ADAMTS2: variants seen among roughly 807,000 people sequenced by gnomAD.
ADAMTS2 encodes the protein A disintegrin and metalloproteinase with thrombospondin motifs 2.
Under a neutral mutation model 123.0 loss-of-function variants are expected in ADAMTS2, and 50 were observed. The observed-to-expected ratio is 0.41, with a 90% CI of 0.32 to 0.51. The LOEUF is 0.51. Ranked by LOEUF, ADAMTS2 falls within the 20% of genes least tolerant of loss-of-function variation. The pLI, the probability that ADAMTS2 is intolerant of heterozygous loss-of-function variation, is 0.35. For synonymous variants in ADAMTS2, 678 were observed against 695.4 expected, an observed-to-expected ratio of 0.98 and a Z score of 0.39; for missense variants, 1,494 against 1,705.2, an observed-to-expected ratio of 0.88 and a Z score of 2.18.
intron 4 of ADAMTS2, among the ~76,000 whole-genome samples, chr5:179,196,720 A>C (rs771057393): frequency 1.3e-4 from 20 of 152,240 alleles, no homozygotes; most frequent in Non-Finnish European, 2.9e-4. Flanking sequence ...CAAGGCAGGC[A>C]CTAAGCAAGT....
At chr5:179,288,938 G>A (rs915300333) in intron 2 of ADAMTS2, among the ~76,000 whole-genome samples, 6 of 152,206 alleles carry the variant, frequency 3.9e-5, no homozygotes, top group African/African-American at 9.7e-5. Flanking sequence ...CATCCATACC[G>A]CAGCACAGCC....
At chr5:179,221,732 G>T (rs1253146201) in intron 3 of ADAMTS2, among the ~76,000 whole-genome samples, 1 of 152,082 alleles carries the variant, frequency 6.6e-6, no homozygotes, top group Non-Finnish European at 1.5e-5. Flanking sequence ...CCCCGCAGAG[G>T]TGATGCAATG....
chr5:179,334,526 G>A (rs1175644370), intron 2 of ADAMTS2, among the ~76,000 whole-genome samples: 2 of 152,262 alleles, frequency 1.3e-5, no homozygotes, highest in African/African-American at 2.4e-5. Context: ...AGCAAGCGCT[G>A]TATTAAGCAG....
intron 5 of ADAMTS2, among the ~76,000 whole-genome samples, chr5:179,169,694 C>T (rs1393288891): frequency 1.3e-5 from 2 of 152,178 alleles, no homozygotes; most frequent in African/African-American, 2.4e-5. Flanking sequence ...CCTTCCTGCA[C>T]CATGGCTGGG....
rs149424876 is a variant in ADAMTS2 at position 179,125,144 on chromosome 5, G to C, written c.2787C>G (p.Thr929=). 7.4e-6 allele frequency: 12 copies of C among 1,612,966 alleles called. No individual in the cohort carries two copies. The highest frequency in any genetic ancestry group is 1.0e-5 in the Non-Finnish European group (12 of 1,179,920). Residue 929 remains threonine (T), a synonymous_variant, in exon 19 of 22, where the codon ACC becomes ACG. Transcript: ENST00000251582. ...VTGEWEPCSQ[T]CGRTGMQVRS... is the part of the protein sequence containing the mutation. The stretch of plus-strand genomic sequence containing the variant: ...GCACCTGCATGCCTGTCCGCCCACA[G>C]GTCTGGCTACATGGCTCCCATTCGC...
In ADAMTS2 at chr5:179,345,304, G is replaced by A; in HGVS notation, c.25C>T (p.Arg9Cys). The change falls in exon 1 of 22, where the codon CGC becomes TGC. Residue 9 changes from arginine to cysteine, a missense_variant. Arg to Cys is a radical substitution (Grantham distance 180). Transcript: ENST00000251582. This position sits in a 1 kb window ranked among gnomAD's most constrained non-coding sequence, Gnocchi z 7.5. Reference sequence around the variant, plus strand: ...AGCAGCGCGGGGCAGAGCAGGCGGCGAGCGGCTCCCGCCGGCGGATCCATG... The same window carrying A: ...AGCAGCGCGGGGCAGAGCAGGCGGCAAGCGGCTCCCGCCGGCGGATCCATG... MDPPAGAA[R>C]RLLCPALLLL... is the part of the protein sequence containing the mutation. 2 of 1,136,660 alleles carry A rather than the reference G, an allele frequency of 1.8e-6. No individual in the cohort carries two copies. The highest frequency in any genetic ancestry group is 4.5e-5 in the East Asian group (1 of 22,348). 70.4% of individuals were successfully genotyped at this position (1,136,660 alleles called of 1,614,324 possible).
intron 4 of ADAMTS2, among the ~76,000 whole-genome samples, chr5:179,187,188 A>AG (rs1293033133): frequency 2.0e-5 from 3 of 152,130 alleles, no homozygotes; most frequent in African/African-American, 7.2e-5. Context: ...TTGAAAAAAA[A>AG]GACTCATCCT....
At chr5:179,318,623 T>C (rs1757069268) in intron 2 of ADAMTS2, among the ~76,000 whole-genome samples, 1 of 152,304 alleles carries the variant, frequency 6.6e-6, no homozygotes, top group East Asian at 1.9e-4. Flanking sequence ...AGGGCCACTG[T>C]CCAGTGGCTG....
chr5:179,135,547 T>C (rs964718103), intron 13 of ADAMTS2, among the ~76,000 whole-genome samples: 1 of 151,956 alleles, frequency 6.6e-6, no homozygotes, highest in Non-Finnish European at 1.5e-5. Context: ...CCCTGCAGGG[T>C]GCAAGGATGG....
Position 179,189,743 on chromosome 5 carries a change from A to G in ADAMTS2, c.892-8588T>C, listed in dbSNP as rs1764261070. On this transcript the variant is annotated intron_variant, in intron 4 of 21. Coordinates refer to ENST00000251582, the MANE Select transcript of ADAMTS2 (RefSeq NM_014244.5). The surrounding 1 kb of genome is among the most constrained non-coding windows in gnomAD (Gnocchi z 4.2). ...ATATTACAAAATATCTTCTTAAGGT[A>G]GGGGGGGACAATATTACAAAGTATC... 6.9e-6 allele frequency among the ~76,000 whole-genome samples: 1 copy of G among 145,006 alleles called. No individual in the cohort carries two copies. The highest frequency in any genetic ancestry group is 2.6e-5 in the African/African-American group (1 of 38,744).
intron 4 of ADAMTS2, among the ~76,000 whole-genome samples, chr5:179,192,191 C>G (rs1173990518): frequency 1.3e-5 from 2 of 152,220 alleles, no homozygotes; most frequent in Admixed American, 1.3e-4. Flanking sequence ...CAGGCCATCA[C>G]CTTGCACTGT....
At chr5:179,248,353 T>C (rs1035074262) in intron 3 of ADAMTS2, among the ~76,000 whole-genome samples, 1 of 151,918 alleles carries the variant, frequency 6.6e-6, no homozygotes, top group African/African-American at 2.4e-5. Flanking sequence ...ACAAAACAAA[T>C]AGCAGATAGC....
intron 5 of ADAMTS2, among the ~76,000 whole-genome samples, chr5:179,165,407 A>G (rs1033500413): frequency 5.3e-5 from 8 of 152,178 alleles, no homozygotes; most frequent in African/African-American, 1.9e-4. Flanking sequence ...CGCCCTGGTC[A>G]TCTACGTCCC....
intron 3 of ADAMTS2, among the ~76,000 whole-genome samples, chr5:179,257,083 C>T (rs1452434929): frequency 2.0e-5 from 3 of 152,198 alleles, no homozygotes; most frequent in Non-Finnish European, 4.4e-5. Context: ...GCCTGGTCCC[C>T]GGGGTCTCTG....
chr5:179,198,476 C>T (rs563607649), intron 4 of ADAMTS2, among the ~76,000 whole-genome samples: 1 of 152,198 alleles, frequency 6.6e-6, no homozygotes, highest in African/African-American at 2.4e-5. Context: ...GCCGCTGAGC[C>T]TCAGGAGACC....
Position 179,132,876 on chromosome 5 carries a change from C to T in ADAMTS2, c.2110G>A (p.Gly704Ser), listed in dbSNP as rs149708395. ...CACTTGTCTTCCTGCTTGCTGGAGC[C>T]GATCACACCGTCACAGCCCACCTTC... The part of the protein sequence containing the change: ...CRKVGCDGVI[G>S]SSKQEDKCGV... Residue 704 changes from glycine to serine, a missense_variant, in exon 14 of 22, where the codon GGC becomes AGC. This residue lies in a region of ADAMTS2 where 953 missense variants were observed against 1,124.7 expected (regional missense o/e 0.85). Transcript: ENST00000251582. This position sits in a 1 kb window ranked among gnomAD's most constrained non-coding sequence, Gnocchi z 6.1. 2.1e-4 allele frequency: 344 copies of T among 1,613,928 alleles called. 1 individual carries two copies. The Middle Eastern group carries it at 4.5e-3, about 21-fold the overall frequency.
chr5:179,325,723 C>T (rs997903217), intron 2 of ADAMTS2, among the ~76,000 whole-genome samples: 1 of 152,264 alleles, frequency 6.6e-6, no homozygotes, highest in South Asian at 2.1e-4. Flanking sequence ...ACGGGGAGGG[C>T]GGCTGAGCTG....
At position 179,162,792 on chromosome 5, in the gene ADAMTS2, C is replaced by T. The variant is rs926834160; in HGVS notation, c.976-3913G>A. ...GTGTCATTTATGCCTGAAGAAGTTC[C>T]TCTCCTTGTGAAAGCCAATTCTGAG... On this transcript the variant is annotated intron_variant, in intron 5 of 21. Transcript: ENST00000251582. The surrounding 1 kb of genome is among the most constrained non-coding windows in gnomAD (Gnocchi z 5.1). 6.6e-6 allele frequency among the ~76,000 whole-genome samples: 1 copy of T among 152,246 alleles called. No individual in the cohort carries two copies. Among genetic ancestry groups the T allele is most frequent in the Non-Finnish European group, 1.5e-5 (1 of 68,044 alleles).
At chr5:179,176,893 C>G (rs1444570468) in intron 5 of ADAMTS2, among the ~76,000 whole-genome samples, 4 of 152,228 alleles carry the variant, frequency 2.6e-5, no homozygotes, top group African/African-American at 9.7e-5. Context: ...CCCTCCCTCC[C>G]CTCCCAGCCT....
Sources: gnomAD v4.1 joint callset for allele counts (sites outside exome capture counted in the v4.1 genomes callset) on GRCh38, gnomAD v4.1.1 for gene constraint, gnomAD v4.1.1 regional missense constraint, Gnocchi (gnomAD v3.1) non-coding constraint, MANE v1.5 for transcripts, NCBI Gene and HGNC (gene_info 2026-07-23, HGNC 2026-07-21) for gene names.